The following DAB1 variants were observed in gnomAD, a reference collection of about 807,000 sequenced individuals.
DAB1 encodes the protein disabled homolog 1.
In DAB1, 15 loss-of-function variants were observed where a neutral mutation model predicts 64.6. That is an observed-to-expected ratio of 0.23 (90% CI 0.16 to 0.36). The LOEUF (loss-of-function observed/expected upper bound fraction) is 0.36. DAB1 is among the 10% of genes least tolerant of loss of function. The pLI is 1.00. For synonymous variants in DAB1, 235 were observed against 251.9 expected, an observed-to-expected ratio of 0.93 and a Z score of 0.64; for missense variants, 596 against 706.7, an observed-to-expected ratio of 0.84 and a Z score of 1.78.
Position 57,025,566 on chromosome 1 carries a change from T to C in DAB1, c.786+415A>G, listed in dbSNP as rs777614558. On this transcript the variant is annotated intron_variant, in intron 10 of 14. Coordinates refer to ENST00000371236, the MANE Select transcript of DAB1 (RefSeq NM_001365792.1). ...ACTGGGCTGACCACCTATGCTGTAC[T>C]GGGCTTGGGGCAGGTGCTGACAAAT... 2.0e-5 allele frequency among the ~76,000 whole-genome samples: 3 copies of C among 152,176 alleles called. No individual in the cohort carries two copies. The East Asian group carries it at 5.8e-4, about 29-fold the overall frequency.
intron 9 of DAB1, among the ~76,000 whole-genome samples, chr1:57,059,910 T>C (rs1159466813): frequency 1.3e-5 from 2 of 152,108 alleles, no homozygotes; most frequent in East Asian, 3.9e-4. Context: ...AAATAGCTCA[T>C]GGAAAAGTCA....
chr1:57,814,845 T>C (rs1651779433), intron 6 of DAB1, among the ~76,000 whole-genome samples: 1 of 152,100 alleles, frequency 6.6e-6, no homozygotes, highest in Non-Finnish European at 1.5e-5. Flanking sequence ...ATTCATTGTA[T>C]GAGTGTGAGC....
chr1:57,228,185 T>C (rs1667412977), intron 2 of DAB1, among the ~76,000 whole-genome samples: 2 of 152,230 alleles, frequency 1.3e-5, no homozygotes, highest in African/African-American at 4.8e-5. Context: ...TGTTCTCCTT[T>C]GAAATAGTCT....
In DAB1 at chr1:57,894,876, C is replaced by G. The variant is rs972155364; in HGVS notation, n.388-10714G>C. On this transcript the variant is annotated intron_variant and non_coding_transcript_variant, in intron 5 of 20. Transcript: ENST00000485760. The stretch of plus-strand genomic sequence containing the variant: ...ATCAGCTGCACCAATTAAAACTTTA[C>G]AGCCCATTCAAACTATCCACTCACA... Among the ~76,000 whole-genome samples the G allele has an allele frequency of 7.2e-5, 11 of 152,234 alleles. No homozygotes were observed. In the East Asian group the frequency reaches 2.1e-3, roughly 30 times the overall value.
intron 5 of DAB1, among the ~76,000 whole-genome samples, chr1:58,029,341 C>T (rs180833935): frequency 8.5e-5 from 13 of 152,242 alleles, no homozygotes; most frequent in African/African-American, 3.1e-4. Context: ...AGGTTGGATG[C>T]ACTAAAAAAA....
chr1:57,695,394 AAGAAAG>A (rs1646828592), intron 6 of DAB1, among the ~76,000 whole-genome samples: 2 of 86,838 alleles, frequency 2.3e-5, no homozygotes, highest in African/African-American at 8.5e-5. Flanking sequence ...GAAAGAAAGA[AAGAAAG>A]AAAGAAAGAA....
At chr1:58,526,195 T>C (rs1569952365) in intron 2 of DAB1, among the ~76,000 whole-genome samples, 1 of 152,110 alleles carries the variant, frequency 6.6e-6, no homozygotes, top group East Asian at 1.9e-4. Context: ...ACAGCCAATC[T>C]GTGGCCCCCT....
intron 4 of DAB1, among the ~76,000 whole-genome samples, chr1:58,222,397 G>T (rs1659222865): frequency 1.3e-5 from 2 of 152,172 alleles, no homozygotes; most frequent in African/African-American, 2.4e-5. Flanking sequence ...CAAGCCTGGG[G>T]CTTGTTTAAC....
chr1:57,966,340 G>C (rs1645665478), intron 5 of DAB1, among the ~76,000 whole-genome samples: 1 of 152,124 alleles, frequency 6.6e-6, no homozygotes, highest in African/African-American at 2.4e-5. Context: ...GGGCTCTGGA[G>C]ACTAGGACCT....
chr1:58,427,243 G>T (rs1341163090), intron 3 of DAB1, among the ~76,000 whole-genome samples: 1 of 152,088 alleles, frequency 6.6e-6, no homozygotes, highest in African/African-American at 2.4e-5. Context: ...GGAGGGGAAA[G>T]GTGGGGTACC....
intron 5 of DAB1, among the ~76,000 whole-genome samples, chr1:57,997,718 T>C (rs974533247): frequency 2.0e-5 from 3 of 152,038 alleles, no homozygotes; most frequent in African/African-American, 2.4e-5. Context: ...GGAGAAATTT[T>C]TATGCAGTAG....
chr1:57,967,992 G>A lies in DAB1; in HGVS notation n.388-83830C>T, dbSNP rs369782765. Among the ~76,000 whole-genome samples the A allele has an allele frequency of 1.5e-3, 233 of 152,240 alleles. 8 individuals are homozygous for A. In the South Asian group the frequency reaches 0.042, roughly 27 times the overall value. On this transcript the variant is annotated intron_variant and non_coding_transcript_variant, in intron 5 of 20. Transcript: ENST00000485760. The stretch of plus-strand genomic sequence containing the variant: ...GAGGGAATGAAAAGGAAAACATAGC[G>A]CCGAACATGTAATAAATACACAATA...
Position 57,062,956 on chromosome 1 carries a change from T to C in DAB1, c.664-13A>G. On this transcript the variant is annotated splice_polypyrimidine_tract_variant and intron_variant, in intron 8 of 14. Transcript: ENST00000371236. ...GGCTGGTGGGAACCTATGGAAAAAT[T>C]AAATTCAGCACAGTCAAAACACTCT... The C allele has an allele frequency of 6.2e-7, 1 of 1,613,222 alleles. No homozygotes were observed. Among genetic ancestry groups the C allele is most frequent in the Non-Finnish European group, 8.5e-7 (1 of 1,179,216 alleles).
intron 7 of DAB1, among the ~76,000 whole-genome samples, chr1:57,436,610 T>A (rs1685704713): frequency 6.6e-6 from 1 of 152,170 alleles, no homozygotes; most frequent in South Asian, 2.1e-4. Flanking sequence ...GCCAAAGCAA[T>A]GAATGTCTAA....
intron 5 of DAB1, among the ~76,000 whole-genome samples, chr1:58,124,096 G>A (rs1480639768): frequency 6.6e-6 from 1 of 152,032 alleles, no homozygotes; most frequent in Non-Finnish European, 1.5e-5. Context: ...TTGAGTATGT[G>A]TGCGTGCATG....
intron 3 of DAB1, among the ~76,000 whole-genome samples, chr1:58,359,688 T>TAGCAAGGGGTGAGAGTGATGAC (rs1341683552): frequency 6.6e-6 from 1 of 152,180 alleles, no homozygotes; most frequent in East Asian, 1.9e-4. Context: ...GTAGAGATGA[T>TAGCAAGGGGTGAGAGTGATGAC]AGCAAGGGGT....
intron 4 of DAB1, among the ~76,000 whole-genome samples, chr1:58,332,647 C>A (rs1409624545): frequency 6.6e-6 from 1 of 152,002 alleles, no homozygotes; most frequent in Middle Eastern, 3.2e-3. Flanking sequence ...CTTGAACAAC[C>A]TTTGGCCAAA....
intron 6 of DAB1, among the ~76,000 whole-genome samples, chr1:57,777,683 A>G (rs185137418): frequency 6.6e-6 from 1 of 152,138 alleles, no homozygotes; most frequent in East Asian, 1.9e-4. Context: ...CTTTAAGTCT[A>G]TGAACATATT....
intron 6 of DAB1, among the ~76,000 whole-genome samples, chr1:57,691,014 TG>T (rs1311804438): frequency 6.6e-6 from 1 of 152,206 alleles, no homozygotes; most frequent in African/African-American, 2.4e-5. Context: ...CCTATACAGT[TG>T]TTTGAGTTCC....
Sources: allele counts gnomAD v4.1 joint callset (sites outside exome capture counted in the v4.1 genomes callset), GRCh38; gene constraint gnomAD v4.1.1; transcripts MANE v1.5; gene names NCBI Gene and HGNC (gene_info 2026-07-23, HGNC 2026-07-21).